The following MAD1L1 variants were observed in gnomAD, a reference collection of about 807,000 sequenced individuals.
MAD1L1 encodes the protein mitotic arrest deficient 1 like 1.
MAD1L1 carries 95 observed loss-of-function variants against 96.9 expected under a neutral mutation model. That is an observed-to-expected ratio of 0.98 (90% CI 0.83 to 1.16). MAD1L1 has a LOEUF of 1.16. Ranked by LOEUF, MAD1L1 falls within the 50% of genes most tolerant of loss-of-function variation. The probability of loss-of-function intolerance (pLI) is 0.00; values close to 1 mark genes in which losing one functional copy is unlikely to be tolerated. For synonymous variants in MAD1L1, 473 were observed against 396.6 expected, an observed-to-expected ratio of 1.19 and a Z score of -2.29; for missense variants, 1,007 against 954.4, an observed-to-expected ratio of 1.06 and a Z score of -0.73.
intron 13 of MAD1L1, among the ~76,000 whole-genome samples, chr7:2,008,875 T>C (rs1782159395): frequency 6.6e-6 from 1 of 152,084 alleles, no homozygotes; most frequent in Non-Finnish European, 1.5e-5. Flanking sequence ...CCTGACGCAG[T>C]GCTCGGGTTC....
intron 15 of MAD1L1, among the ~76,000 whole-genome samples, chr7:1,967,308 G>C (rs1354736865): frequency 2.0e-5 from 3 of 152,098 alleles, no homozygotes; most frequent in Non-Finnish European, 2.9e-5. Flanking sequence ...AACCATTCAA[G>C]TAACTCAACA....
intron 10 of MAD1L1, among the ~76,000 whole-genome samples, chr7:2,156,426 A>G (rs932681658): frequency 1.3e-5 from 2 of 151,708 alleles, no homozygotes; most frequent in African/African-American, 4.8e-5. Context: ...ACCCCACTGA[A>G]TCAAGACCCC....
intron 10 of MAD1L1, among the ~76,000 whole-genome samples, chr7:2,155,006 G>A (rs1436317995): frequency 6.6e-6 from 1 of 152,184 alleles, no homozygotes; most frequent in Non-Finnish European, 1.5e-5. Context: ...CTGGGCACGC[G>A]GAGGAGTCCA....
At chr7:2,059,944 T>A (rs1348784284) in intron 12 of MAD1L1, among the ~76,000 whole-genome samples, 1 of 152,122 alleles carries the variant, frequency 6.6e-6, no homozygotes, top group Non-Finnish European at 1.5e-5. Context: ...CATGTAAGAA[T>A]CTACCCTAAA....
At chr7:1,827,164 G>A (rs1782437859) in intron 18 of MAD1L1, among the ~76,000 whole-genome samples, 1 of 152,242 alleles carries the variant, frequency 6.6e-6, no homozygotes, top group Admixed American at 6.5e-5. Context: ...GAAGGGCATG[G>A]AGGCCACAGG....
intron 11 of MAD1L1, among the ~76,000 whole-genome samples, chr7:2,083,477 G>A (rs568889865): frequency 5.9e-5 from 9 of 152,362 alleles, no homozygotes; most frequent in African/African-American, 1.4e-4. Flanking sequence ...GAGGAGGTGC[G>A]GGGTGAGTGC....
intron 14 of MAD1L1, among the ~76,000 whole-genome samples, chr7:1,988,129 C>T (rs1332570585): frequency 6.6e-6 from 1 of 152,232 alleles, no homozygotes; most frequent in South Asian, 2.1e-4. Flanking sequence ...GATGGAGCAG[C>T]GTGCGGAAGC....
At position 1,982,684 on chromosome 7, in the gene MAD1L1, T is replaced by C. The variant is rs372006880; in HGVS notation, c.1417-2143A>G. Among the ~76,000 whole-genome samples the C allele has an allele frequency of 1.5e-4, 23 of 152,308 alleles. 1 individual carries two copies. The East Asian group carries it at 3.7e-3, about 24-fold the overall frequency. ...TTTTCCTCCTCCTTCCCAATATTGATACCTTGGGTTTCTTTCCCTTGTCTA... is the reference window on the plus strand; with the variant it reads ...TTTTCCTCCTCCTTCCCAATATTGACACCTTGGGTTTCTTTCCCTTGTCTA... On this transcript the variant is annotated intron_variant, in intron 14 of 18. Coordinates refer to ENST00000265854, the MANE Select transcript of MAD1L1 (RefSeq NM_001013836.2).
At chr7:2,007,013 C>G (rs1388992974) in intron 13 of MAD1L1, among the ~76,000 whole-genome samples, 10 of 151,992 alleles carry the variant, frequency 6.6e-5, no homozygotes, top group Non-Finnish European at 2.9e-5. Context: ...GGACGCAGGC[C>G]GGGGCAGTGC....
intron 15 of MAD1L1, among the ~76,000 whole-genome samples, chr7:1,970,872 C>A (rs918563217): frequency 1.3e-5 from 2 of 152,160 alleles, no homozygotes; most frequent in Non-Finnish European, 2.9e-5. Flanking sequence ...GATAATGTAG[C>A]CTCTATGACC....
intron 15 of MAD1L1, among the ~76,000 whole-genome samples, chr7:1,958,090 G>T (rs146894662): frequency 6.6e-6 from 1 of 152,222 alleles, no homozygotes; most frequent in East Asian, 1.9e-4. Flanking sequence ...GAGTGCAGGG[G>T]ACACTGAGGG....
At chr7:2,153,780 G>A (rs749730221) in intron 10 of MAD1L1, among the ~76,000 whole-genome samples, 1 of 152,228 alleles carries the variant, frequency 6.6e-6, no homozygotes, top group Non-Finnish European at 1.5e-5. Flanking sequence ...CAAAGATACG[G>A]AATTAACCTG....
chr7:1,980,523 T>A lies in MAD1L1; in HGVS notation c.1435A>T (p.Met479Leu). 1 of 1,607,852 alleles carries A rather than the reference T, an allele frequency of 6.2e-7. No individual in the cohort carries two copies. ...GCAGAGCTGGACTGAGACTTCAGCA[T>A]CTTCAGCTCCATCTCCAGCTAGGAG... ...RADMLEMELKMLKSQSSSAEQ... is the reference protein window; with the variant it reads ...RADMLEMELKLLKSQSSSAEQ... Residue 479 changes from methionine to leucine, a missense_variant, in exon 15 of 19, where the codon ATG becomes TTG. By Grantham distance (15) the Met-to-Leu change is conservative. Coordinates refer to ENST00000265854, the MANE Select transcript of MAD1L1 (RefSeq NM_001013836.2).
At chr7:1,837,667 C>G (rs1783004789) in intron 18 of MAD1L1, among the ~76,000 whole-genome samples, 1 of 152,238 alleles carries the variant, frequency 6.6e-6, no homozygotes, top group East Asian at 1.9e-4. Context: ...TTAGTAGAAG[C>G]AGCCAGATGA....
intron 14 of MAD1L1, among the ~76,000 whole-genome samples, chr7:1,994,507 TAGG>T (rs1781474553): frequency 1.3e-5 from 2 of 152,016 alleles, no homozygotes; most frequent in Admixed American, 6.5e-5. Flanking sequence ...GACCCCCCAG[TAGG>T]AGGACTGGGC....
At chr7:1,837,921 G>A (rs1048500555) in intron 18 of MAD1L1, among the ~76,000 whole-genome samples, 2 of 152,260 alleles carry the variant, frequency 1.3e-5, no homozygotes, top group African/African-American at 4.8e-5. Flanking sequence ...GGAAGCCCTG[G>A]CAGGAGGAGG....
intron 17 of MAD1L1, 65 bp from the exon 18 acceptor site, chr7:1,898,455 C>A (rs767769699): frequency 2.7e-6 from 4 of 1,471,650 alleles, no homozygotes; most frequent in Non-Finnish European, 2.8e-6. Context: ...GACCCGGGAG[C>A]GGCCAGGGCA....
At chr7:1,928,609 A>C (rs12699476) in intron 17 of MAD1L1, among the ~76,000 whole-genome samples, 106,838 of 152,088 alleles carry the variant, frequency 0.7, 37,686 homozygotes, top group East Asian at 0.8. Flanking sequence ...TTCTTCTCCA[A>C]CTCCCACTAA....
chr7:1,847,929 C>T (rs966253334), intron 18 of MAD1L1: 16 of 354,532 alleles, frequency 4.5e-5, no homozygotes, highest in African/African-American at 8.6e-5. Flanking sequence ...CCTACACAGC[C>T]GGTTTCTCCA....
Sources: gnomAD v4.1 joint callset for allele counts (sites outside exome capture counted in the v4.1 genomes callset) on GRCh38, gnomAD v4.1.1 for gene constraint, MANE v1.5 for transcripts, NCBI Gene and HGNC (gene_info 2026-07-23, HGNC 2026-07-21) for gene names.